The following FMN1 variants were observed in gnomAD, a reference collection of about 807,000 sequenced individuals.
FMN1 encodes formin-1.
Under a neutral mutation model 132.4 loss-of-function variants are expected in FMN1, and 110 were observed. That is an observed-to-expected ratio of 0.83 (90% CI 0.71 to 0.97). The LOEUF (loss-of-function observed/expected upper bound fraction) is 0.97. Among genes scored for constraint, FMN1 ranks in the 50% least tolerant of loss-of-function variants. FMN1 has a pLI of 0.00. For missense variants in FMN1, 1,792 were observed against 1,705.3 expected, an observed-to-expected ratio of 1.05 and a Z score of -0.90; for synonymous variants, 722 against 651.7, an observed-to-expected ratio of 1.11 and a Z score of -1.64.
At chr15:33,188,118 AG>A (rs2140356500) in intron 2 of FMN1, among the ~76,000 whole-genome samples, 1 of 152,180 alleles carries the variant, frequency 6.6e-6, no homozygotes, top group Non-Finnish European at 1.5e-5. Flanking sequence ...GCAGATCACA[AG>A]GTCAGGAGTT....
At chr15:32,927,511 G>C in intron 9 of FMN1, among the ~76,000 whole-genome samples, 1 of 152,034 alleles carries the variant, frequency 6.6e-6, no homozygotes, top group South Asian at 2.1e-4. Flanking sequence ...CTCCCACCTT[G>C]GTCTCCCAAA....
chr15:32,789,350 C>T (rs532221452), intron 19 of FMN1, among the ~76,000 whole-genome samples: 3 of 152,196 alleles, frequency 2.0e-5, no homozygotes, highest in South Asian at 2.1e-4. Context: ...TGAAGGACAC[C>T]GTATGTGATC....
chr15:33,116,533 C>T (rs889793894), intron 4 of FMN1, among the ~76,000 whole-genome samples: 3 of 152,130 alleles, frequency 2.0e-5, no homozygotes, highest in Non-Finnish European at 2.9e-5. Flanking sequence ...ATTCAAGAAT[C>T]GTTCTTTGCT....
chr15:32,854,431 T>C (rs2059078375), intron 17 of FMN1, among the ~76,000 whole-genome samples: 1 of 152,240 alleles, frequency 6.6e-6, no homozygotes, highest in Admixed American at 6.5e-5. Flanking sequence ...ATTCCTACAA[T>C]AGTATATATA....
intron 7 of FMN1, among the ~76,000 whole-genome samples, chr15:32,974,879 T>C (rs1486562232): frequency 6.6e-6 from 1 of 152,226 alleles, no homozygotes; most frequent in Non-Finnish European, 1.5e-5. Flanking sequence ...ATAAAGGGAA[T>C]GTTCCTTCAT....
At chr15:32,807,070 T>A (rs1433595359) in intron 17 of FMN1, among the ~76,000 whole-genome samples, 2 of 152,186 alleles carry the variant, frequency 1.3e-5, no homozygotes, top group Non-Finnish European at 2.9e-5. Flanking sequence ...GTTAAAGCAA[T>A]CATTTTAGCT....
intron 9 of FMN1, among the ~76,000 whole-genome samples, chr15:32,933,867 T>G (rs533480685): frequency 1.3e-5 from 2 of 152,328 alleles, no homozygotes; most frequent in South Asian, 4.1e-4. Flanking sequence ...ACTTTCAGCC[T>G]GTGTCCTTGA....
chr15:33,025,311 A>T (rs1177937127), intron 6 of FMN1, among the ~76,000 whole-genome samples: 1 of 152,190 alleles, frequency 6.6e-6, no homozygotes, highest in Non-Finnish European at 1.5e-5. Context: ...AAACATAATG[A>T]CTGACACAAT....
At chr15:33,087,047 T>C (rs1479291724) in intron 5 of FMN1, among the ~76,000 whole-genome samples, 1 of 152,042 alleles carries the variant, frequency 6.6e-6, no homozygotes. Flanking sequence ...AGTTAATGGC[T>C]AAAAAAAGAA....
intron 9 of FMN1, among the ~76,000 whole-genome samples, chr15:32,929,543 T>C (rs764904422): frequency 6.6e-6 from 1 of 152,222 alleles, no homozygotes; most frequent in Non-Finnish European, 1.5e-5. Context: ...CTTTTTCACC[T>C]TGCGTAACAG....
At chr15:32,903,325 G>A (rs531196407) in intron 12 of FMN1, among the ~76,000 whole-genome samples, 8 of 152,312 alleles carry the variant, frequency 5.3e-5, no homozygotes, top group African/African-American at 1.7e-4. Flanking sequence ...AGATGAAAAA[G>A]TTAAACTCTG....
Position 33,177,775 on chromosome 15 carries a change from C to T in FMN1, c.-132+2423G>A, listed in dbSNP as rs547055154. On this transcript the variant is annotated intron_variant, in intron 3 of 20. Transcript: ENST00000616417. ...ATCCCAGCACTCTGGGAGGCTGAAG[C>T]GCATGGATCACATGAGGTCAGGAGT... Among the ~76,000 whole-genome samples, 5 of 152,194 alleles carry T rather than the reference C, an allele frequency of 3.3e-5. No individual in the cohort carries two copies. The South Asian group carries it at 8.3e-4, about 25-fold the overall frequency.
At chr15:33,058,583 C>A (rs768574545) in intron 6 of FMN1, among the ~76,000 whole-genome samples, 1 of 152,060 alleles carries the variant, frequency 6.6e-6, no homozygotes, top group Non-Finnish European at 1.5e-5. Flanking sequence ...TGCTTCATAG[C>A]GTAAAAAATA....
intron 15 of FMN1, among the ~76,000 whole-genome samples, chr15:32,896,089 A>C: frequency 6.6e-6 from 1 of 152,040 alleles, no homozygotes. Flanking sequence ...GATCTAGGAG[A>C]TAATTCAATT....
intron 5 of FMN1, chr15:33,068,091 CTG>C (rs1345666667): frequency 2.5e-5 from 34 of 1,339,770 alleles, no homozygotes; most frequent in Non-Finnish European, 3.2e-5. Context: ...TCCAGGGCAA[CTG>C]TGAAAAATCT....
intron 9 of FMN1, among the ~76,000 whole-genome samples, chr15:32,930,569 C>G (rs1027268695): frequency 2.0e-5 from 3 of 152,008 alleles, no homozygotes; most frequent in Non-Finnish European, 4.4e-5. Context: ...TTGGATAAGT[C>G]TTTAGCCCAT....
chr15:33,096,349 C>T (rs1390141556), intron 4 of FMN1, among the ~76,000 whole-genome samples: 1 of 152,170 alleles, frequency 6.6e-6, no homozygotes, highest in Non-Finnish European at 1.5e-5. Flanking sequence ...TAACCTTTGC[C>T]CTTCTAACCA....
chr15:32,930,524 T>C (rs2061086085), intron 9 of FMN1, among the ~76,000 whole-genome samples: 2 of 152,264 alleles, frequency 1.3e-5, no homozygotes, highest in South Asian at 2.1e-4. Flanking sequence ...TCCTTATACA[T>C]ATTGGCCATT....
At chr15:32,980,317 A>C (rs1409673477) in intron 7 of FMN1, among the ~76,000 whole-genome samples, 49 of 151,998 alleles carry the variant, frequency 3.2e-4, no homozygotes, top group Admixed American at 3.2e-3. Context: ...GAAAAAAAAA[A>C]AAACAAAAAC....
Sources: allele counts gnomAD v4.1 joint callset (sites outside exome capture counted in the v4.1 genomes callset), GRCh38; gene constraint gnomAD v4.1.1; transcripts MANE v1.5; gene names NCBI Gene and HGNC (gene_info 2026-07-23, HGNC 2026-07-21).